VDAC1: variants seen among roughly 807,000 people sequenced by gnomAD.
The protein encoded by VDAC1 is non-selective voltage-gated ion channel VDAC1.
A neutral mutation model predicts 34.7 loss-of-function variants in VDAC1; 10 were observed. That is an observed-to-expected ratio of 0.29 (90% CI 0.18 to 0.49). The LOEUF (loss-of-function observed/expected upper bound fraction) is 0.49. Ranked by LOEUF, VDAC1 falls within the 20% of genes least tolerant of loss-of-function variation. The probability of loss-of-function intolerance (pLI) is 0.99; values close to 1 mark genes in which losing one functional copy is unlikely to be tolerated. For synonymous variants in VDAC1, 130 were observed against 136.0 expected (o/e 0.96, Z 0.30); for missense variants, 230 against 347.9 (o/e 0.66, Z 2.69).
chr5:134,003,156 G>A (rs544415943), intron 1 of VDAC1, among the ~76,000 whole-genome samples: 2 of 152,296 alleles, frequency 1.3e-5, no homozygotes, highest in African/African-American at 4.8e-5. Context: ...CCCTTCTCAA[G>A]CACCTACTGT....
chr5:134,084,728 G>A, the VDAC1 span, among the ~76,000 whole-genome samples: 1 of 152,262 alleles, frequency 6.6e-6, no homozygotes, highest in Non-Finnish European at 1.5e-5. Flanking sequence ...GATTGAATGA[G>A]CTGCTGAAAG....
chr5:134,007,185 G>A (rs974234074), upstream of VDAC1, among the ~76,000 whole-genome samples: 12 of 151,730 alleles, frequency 7.9e-5, no homozygotes, highest in East Asian at 1.9e-4. Flanking sequence ...CGGAGGTTGC[G>A]GTGAGCTAAG....
chr5:134,094,098 G>A, the VDAC1 span, among the ~76,000 whole-genome samples: 2 of 152,356 alleles, frequency 1.3e-5, no homozygotes, highest in African/African-American at 4.8e-5. Context: ...GCGGTGGGTG[G>A]AAGGCAGGTG....
At chr5:133,983,986 C>T (rs1441533857) in intron 5 of VDAC1, among the ~76,000 whole-genome samples, 1 of 152,190 alleles carries the variant, frequency 6.6e-6, no homozygotes, top group Non-Finnish European at 1.5e-5. Context: ...GATGCCTGTG[C>T]TCTGCTTGTA....
At chr5:134,048,988 G>C in the VDAC1 span, among the ~76,000 whole-genome samples, 1 of 152,170 alleles carries the variant, frequency 6.6e-6, no homozygotes, top group Admixed American at 6.6e-5. Flanking sequence ...ATGTGACAGG[G>C]CTTACTCTGT....
intron 5 of VDAC1, 199 bp from the exon 6 acceptor site, chr5:133,981,155 A>C (rs1024035137): frequency 5.5e-5 from 32 of 584,584 alleles, no homozygotes; most frequent in Non-Finnish European, 9.7e-5. Flanking sequence ...AGTCTGCAGA[A>C]ACCCCACAAT....
the VDAC1 span, among the ~76,000 whole-genome samples, chr5:134,094,157 A>G: frequency 6.6e-6 from 1 of 152,218 alleles, no homozygotes; most frequent in East Asian, 1.9e-4. Flanking sequence ...GCACTGCCTC[A>G]TCCAAGCAAG....
chr5:134,021,535 G>T, the VDAC1 span, among the ~76,000 whole-genome samples: 1 of 147,340 alleles, frequency 6.8e-6, no homozygotes, highest in African/African-American at 2.5e-5. Flanking sequence ...TTTTGTGGCT[G>T]CATAGTATTG....
chr5:134,060,722 A>T, the VDAC1 span, among the ~76,000 whole-genome samples: 1 of 151,608 alleles, frequency 6.6e-6, no homozygotes, highest in Non-Finnish European at 1.5e-5. Flanking sequence ...TGTAAGGGTC[A>T]TGAGGCTTAT....
the VDAC1 span, among the ~76,000 whole-genome samples, chr5:134,053,866 T>G: frequency 2.0e-5 from 3 of 152,322 alleles, no homozygotes; most frequent in South Asian, 6.2e-4. Context: ...CTCCCAGAGC[T>G]GGCATTTACT....
chr5:134,031,466 T>C, the VDAC1 span, among the ~76,000 whole-genome samples: 1 of 152,116 alleles, frequency 6.6e-6, no homozygotes, highest in Non-Finnish European at 1.5e-5. Context: ...CTAAATGCAA[T>C]CACAAGTCTG....
chr5:134,079,412 G>A, the VDAC1 span, among the ~76,000 whole-genome samples: 193 of 152,340 alleles, frequency 1.3e-3, no homozygotes, highest in African/African-American at 4.6e-3. Flanking sequence ...CCATCACAGA[G>A]AGCAGAGGGA....
At chr5:134,030,062 C>T in the VDAC1 span, among the ~76,000 whole-genome samples, 1 of 152,108 alleles carries the variant, frequency 6.6e-6, no homozygotes, top group South Asian at 2.1e-4. Flanking sequence ...GGAAAAAGGC[C>T]GGGCACGGTG....
the VDAC1 span, among the ~76,000 whole-genome samples, chr5:134,058,981 A>G: frequency 1.3e-5 from 2 of 152,208 alleles, no homozygotes; most frequent in Admixed American, 6.5e-5. Flanking sequence ...CCGCGTGCCA[A>G]TGCAGAGGCT....
the VDAC1 span, among the ~76,000 whole-genome samples, chr5:134,049,756 T>C: frequency 2.0e-5 from 3 of 152,154 alleles, no homozygotes; most frequent in South Asian, 6.2e-4. Context: ...ATTTTTGTAT[T>C]TTTAGTAGAG....
At chr5:134,049,111 C>T in the VDAC1 span, among the ~76,000 whole-genome samples, 1 of 152,100 alleles carries the variant, frequency 6.6e-6, no homozygotes, top group Non-Finnish European at 1.5e-5. Flanking sequence ...GAGATTAAGT[C>T]CCAAAGCACA....
the VDAC1 span, among the ~76,000 whole-genome samples, chr5:134,046,230 G>T: frequency 6.8e-4 from 103 of 151,642 alleles, no homozygotes; most frequent in Admixed American, 1.9e-3. Flanking sequence ...GGGTTTCATC[G>T]TGTTAGCCAG....
At chr5:134,083,335 C>T in the VDAC1 span, among the ~76,000 whole-genome samples, 1 of 151,834 alleles carries the variant, frequency 6.6e-6, no homozygotes, top group Non-Finnish European at 1.5e-5. Context: ...ACTACAGGCA[C>T]CTGCCACCAT....
chr5:134,079,171 G>GTT, the VDAC1 span, among the ~76,000 whole-genome samples: 2 of 151,486 alleles, frequency 1.3e-5, no homozygotes, highest in Admixed American at 6.6e-5. Context: ...TAGAGTCCAG[G>GTT]TCTCACTATG....
Sources: gnomAD v4.1 joint callset for allele counts (sites outside exome capture counted in the v4.1 genomes callset) on GRCh38, gnomAD v4.1.1 for gene constraint, MANE v1.5 for transcripts, NCBI Gene and HGNC (gene_info 2026-07-23, HGNC 2026-07-21) for gene names.